The following PCSK6 variants were observed in gnomAD, a reference collection of about 807,000 sequenced individuals.
The protein encoded by PCSK6 is paired basic amino acid cleaving enzyme 4.
In PCSK6, 85 loss-of-function variants were observed where a neutral mutation model predicts 123.3. That is an observed-to-expected ratio of 0.69 (90% CI 0.58 to 0.83). The LOEUF (loss-of-function observed/expected upper bound fraction) is 0.83. PCSK6 is among the 40% of genes least tolerant of loss of function. The probability of loss-of-function intolerance (pLI) is 0.00; values close to 1 mark genes in which losing one functional copy is unlikely to be tolerated. For missense variants in PCSK6, 1,191 were observed against 1,282.3 expected, an observed-to-expected ratio of 0.93 and a Z score of 1.09; for synonymous variants, 508 against 516.0, an observed-to-expected ratio of 0.98 and a Z score of 0.21.
chr15:101,469,671 G>A (rs530597552), intron 1 of PCSK6, among the ~76,000 whole-genome samples: 2 of 152,312 alleles, frequency 1.3e-5, no homozygotes, highest in African/African-American at 2.4e-5. Flanking sequence ...CGGGTGCCTC[G>A]CTGGGAGCCG....
At chr15:101,382,910 A>G (rs1486694117) in intron 10 of PCSK6, among the ~76,000 whole-genome samples, 1 of 152,180 alleles carries the variant, frequency 6.6e-6, no homozygotes, top group Non-Finnish European at 1.5e-5. Flanking sequence ...ACAAAGATGA[A>G]CTAGCCCAAT....
chr15:101,474,553 G>A (rs931157739), intron 1 of PCSK6, among the ~76,000 whole-genome samples: 1 of 152,170 alleles, frequency 6.6e-6, no homozygotes, highest in South Asian at 2.1e-4. Flanking sequence ...ACCCTCTAAT[G>A]GCATCGAGGA....
At chr15:101,469,063 G>A (rs1248946908) in intron 1 of PCSK6, among the ~76,000 whole-genome samples, 1 of 151,992 alleles carries the variant, frequency 6.6e-6, no homozygotes, top group Non-Finnish European at 1.5e-5. Flanking sequence ...AGCTCTTTTT[G>A]CAAGAACTAC....
intron 5 of PCSK6, among the ~76,000 whole-genome samples, chr15:101,428,390 C>T (rs1036179877): frequency 2.0e-5 from 3 of 152,172 alleles, no homozygotes; most frequent in Non-Finnish European, 4.4e-5. Flanking sequence ...AGCAGGGACA[C>T]CTGCTGCCTG....
At chr15:101,429,358 C>T (rs2643352) in intron 5 of PCSK6, among the ~76,000 whole-genome samples, 5 of 152,142 alleles carry the variant, frequency 3.3e-5, no homozygotes, top group African/African-American at 1.2e-4. Flanking sequence ...CACAAAAACG[C>T]CCACCATTTC....
intron 1 of PCSK6, among the ~76,000 whole-genome samples, chr15:101,485,365 T>C (rs1345657207): frequency 6.6e-6 from 1 of 152,222 alleles, no homozygotes; most frequent in African/African-American, 2.4e-5. Flanking sequence ...TTGTAAATAC[T>C]TTCCTGGTCT....
chr15:101,369,126 G>A (rs543149334), intron 12 of PCSK6, among the ~76,000 whole-genome samples: 12 of 152,206 alleles, frequency 7.9e-5, no homozygotes, highest in South Asian at 2.1e-4. Flanking sequence ...AGCTGGTGCC[G>A]GGCCCGCCAC....
rs370434937 is a variant in PCSK6 at position 101,326,420 on chromosome 15, A to G, written c.2137T>C (p.Leu713=). Residue 713 remains leucine, a synonymous_variant, in exon 16 of 22, where the codon TTG becomes CTG. Coordinates refer to ENST00000611716, the MANE Select transcript of PCSK6 (RefSeq NM_002570.5). ...GCDGPNADQC[L]NCVHFSLGSV... ...CCCAGGCTGAAGTGGACGCAGTTCA[A>G]GCACTGGTCTGCATTGGGGCCATCA... is the stretch of plus-strand genomic sequence containing the variant. 8.3e-5 allele frequency: 132 copies of G among 1,585,608 alleles called. No homozygotes were observed. Among genetic ancestry groups the G allele is most frequent in the Non-Finnish European group, 9.5e-5 (111 of 1,165,804 alleles).
At chr15:101,338,645 T>C (rs2040535832) in intron 13 of PCSK6, among the ~76,000 whole-genome samples, 1 of 152,236 alleles carries the variant, frequency 6.6e-6, no homozygotes, top group South Asian at 2.1e-4. Flanking sequence ...CAAGATACTC[T>C]ACAAGCCTGT....
chr15:101,376,920 A>G (rs1016106031), intron 11 of PCSK6, among the ~76,000 whole-genome samples: 7 of 152,228 alleles, frequency 4.6e-5, no homozygotes, highest in African/African-American at 1.7e-4. Flanking sequence ...CTCCTGTGGT[A>G]CCCAGGTATA....
chr15:101,417,811 T>G (rs899674563), intron 6 of PCSK6, among the ~76,000 whole-genome samples: 1 of 151,058 alleles, frequency 6.6e-6, no homozygotes, highest in Non-Finnish European at 1.5e-5. Flanking sequence ...GGAACTCAAT[T>G]AAAAAAAACC....
rs770454345 is a variant in PCSK6, at chr15:101,443,587, C to T, written c.371G>A (p.Gly124Asp). The T allele has an allele frequency of 1.9e-6, 3 of 1,613,814 alleles. No homozygotes were observed. Among genetic ancestry groups the T allele is most frequent in the Middle Eastern group, 3.3e-4 (2 of 6,062 alleles). The change falls in exon 2 of 22, where the codon GGC (glycine) becomes GAC (aspartate). Residue 124 changes from glycine to aspartate, a missense_variant. Physicochemically the swap from Gly to Asp is moderately conservative, Grantham distance 94 (BLOSUM62 -1). Coordinates refer to ENST00000611716, the MANE Select transcript of PCSK6 (RefSeq NM_002570.5). ...GTCCATTCTGAGGAAGGTGTGAGGG[C>T]CTCTGCTACTCAAGGTTGATCTTTT... ...TFKRSTLSSR[G>D]PHTFLRMDPQ...
intron 19 of PCSK6, 133 bp downstream of exon 19, chr15:101,318,186 T>C: frequency 1.5e-6 from 1 of 657,758 alleles, no homozygotes; most frequent in Non-Finnish European, 2.7e-6. Flanking sequence ...CCTTTGTACC[T>C]TGTTTTGCCC....
intron 13 of PCSK6, among the ~76,000 whole-genome samples, chr15:101,363,485 C>G (rs1380338324): frequency 2.0e-5 from 3 of 152,216 alleles, no homozygotes; most frequent in Non-Finnish European, 4.4e-5. Flanking sequence ...ATGCAGCTGG[C>G]ATGAGGAGTA....
intron 1 of PCSK6, among the ~76,000 whole-genome samples, chr15:101,452,846 C>T (rs566324854): frequency 1.3e-5 from 2 of 152,274 alleles, no homozygotes; most frequent in South Asian, 2.1e-4. Flanking sequence ...CTGTGCTGCA[C>T]GGCTCTGCAG....
At chr15:101,451,945 T>C (rs2057047023) in intron 1 of PCSK6, among the ~76,000 whole-genome samples, 1 of 152,192 alleles carries the variant, frequency 6.6e-6, no homozygotes, top group African/African-American at 2.4e-5. Context: ...ATTAAGGAAG[T>C]CCAGAAAGAG....
At chr15:101,390,265 G>C (rs1218622996) in intron 8 of PCSK6, among the ~76,000 whole-genome samples, 1 of 152,292 alleles carries the variant, frequency 6.6e-6, no homozygotes, top group Admixed American at 6.5e-5. Context: ...TACCACTCAG[G>C]CTGACGTGTA....
chr15:101,394,291 T>C (rs1402613160), intron 7 of PCSK6, among the ~76,000 whole-genome samples: 1 of 152,108 alleles, frequency 6.6e-6, no homozygotes. Context: ...CGGTGTTCAT[T>C]GTTAAGAACG....
At chr15:101,320,407 A>G (rs74041997) in intron 18 of PCSK6, among the ~76,000 whole-genome samples, 4,058 of 152,204 alleles carry the variant, frequency 0.027, 187 homozygotes, top group African/African-American at 0.091. Context: ...TTTATTACGT[A>G]TATCTTACGG....
Sources: allele counts gnomAD v4.1 joint callset (sites outside exome capture counted in the v4.1 genomes callset), GRCh38; gene constraint gnomAD v4.1.1; transcripts MANE v1.5; gene names NCBI Gene and HGNC (gene_info 2026-07-23, HGNC 2026-07-21).